The following PHRF1 variants were observed in gnomAD, a reference collection of about 807,000 sequenced individuals.
PHRF1 encodes PHD and RING finger domain-containing protein 1.
A neutral mutation model predicts 128.9 loss-of-function variants in PHRF1; 53 were observed. The observed-to-expected ratio is 0.41, with a 90% CI of 0.33 to 0.52. The LOEUF (loss-of-function observed/expected upper bound fraction) is 0.52, where lower values mean the gene tolerates loss of function less well. Among genes scored for constraint, PHRF1 ranks in the 20% least tolerant of loss-of-function variants. The pLI, the probability that PHRF1 is intolerant of heterozygous loss-of-function variation, is 0.21. For missense variants in PHRF1, 2,503 were observed against 2,284.5 expected (o/e 1.10, Z -1.95); for synonymous variants, 1,178 against 980.6 (o/e 1.20, Z -3.76).
chr11:579,087 A>G (rs1854056179), intron 1 of PHRF1, among the ~76,000 whole-genome samples: 1 of 152,088 alleles, frequency 6.6e-6, no homozygotes, highest in South Asian at 2.1e-4. Flanking sequence ...CCGTCTGCCC[A>G]CCTTGGTCTC....
chr11:607,400 G>A lies in PHRF1; in HGVS notation c.1944G>A (p.Lys648=), dbSNP rs778670736. Residue 648 remains lysine (K), a synonymous_variant, in exon 14 of 18, where the codon AAG becomes AAA. Coordinates refer to ENST00000264555, the MANE Select transcript of PHRF1 (RefSeq NM_001286581.2). ...HTLPLASAAS[K]ISSRDSKPPC... is the part of the protein sequence containing the mutation. ...TGCCCCTTGCCTCTGCCGCGTCTAA[G>A]ATCTCAAGCAGAGATTCTAAGCCCC... 11 of 1,612,710 alleles carry A rather than the reference G, an allele frequency of 6.8e-6. No homozygotes were observed. The Admixed American group carries it at 1.8e-4, about 27-fold the overall frequency.
intron 1 of PHRF1, among the ~76,000 whole-genome samples, chr11:580,655 C>T (rs1051376555): frequency 2.6e-5 from 4 of 152,244 alleles, no homozygotes; most frequent in Middle Eastern, 3.4e-3. Context: ...AGGATGAGGC[C>T]GTTTTGTTCG....
rs1315092860 is a variant in PHRF1, at chr11:612,129, C to T, written c.*352C>T. ...TCAAGAGGGGCTCCTGGTGGGGTGGCGCGTCCTTGATAAATCTCTAGGTGG... is the reference window on the plus strand; with the variant it reads ...TCAAGAGGGGCTCCTGGTGGGGTGGTGCGTCCTTGATAAATCTCTAGGTGG... On this transcript the variant is annotated 3_prime_UTR_variant, in exon 18 of 18. Transcript: ENST00000264555. The T allele has an allele frequency of 1.4e-5, 5 of 346,176 alleles. No homozygotes were observed. Among genetic ancestry groups the T allele is most frequent in the East Asian group, 5.3e-5 (1 of 18,788 alleles). 21.4% of individuals were successfully genotyped at this position (346,176 alleles called of 1,614,324 possible).
intron 13 of PHRF1, 100 bp downstream of exon 13, chr11:606,696 T>G: frequency 6.9e-7 from 1 of 1,442,476 alleles, no homozygotes; most frequent in Non-Finnish European, 9.2e-7. Context: ...AAGATGTAGC[T>G]GAAGTTGGGG....
rs1477972483 is a variant in PHRF1, at chr11:608,141, T to C, written c.2685T>C (p.Pro895=). Residue 895 remains proline, a synonymous_variant, in exon 14 of 18, where the codon CCT becomes CCC. Transcript: ENST00000264555. The stretch of plus-strand genomic sequence containing the variant: ...TCTTTGGTACAGAGCCCGAACCCCC[T>C]CTCGGACCGTCCTCCGCCATGTCCA... ...ESIFGTEPEP[P]LGPSSAMSKL... 2 of 1,611,184 alleles carry C rather than the reference T, an allele frequency of 1.2e-6. No individual in the cohort carries two copies. Among genetic ancestry groups the C allele is most frequent in the East Asian group, 2.2e-5 (1 of 44,860 alleles).
chr11:610,776 C>T lies in PHRF1; in HGVS notation c.4677+15C>T. The T allele has an allele frequency of 6.3e-7, 1 of 1,597,256 alleles. No homozygotes were observed. Among genetic ancestry groups the T allele is most frequent in the Non-Finnish European group, 8.5e-7 (1 of 1,176,392 alleles). ...AGAAGGAGGAGGTGAGTCCTGCCTC[C>T]TCCCACTTTCCCCATGTTCCCATCT... On this transcript the variant is annotated intron_variant, in intron 16 of 17. Coordinates refer to ENST00000264555, the MANE Select transcript of PHRF1 (RefSeq NM_001286581.2).
chr11:594,211 G>T (rs1299157990), intron 6 of PHRF1, among the ~76,000 whole-genome samples: 1 of 152,260 alleles, frequency 6.6e-6, no homozygotes, highest in Non-Finnish European at 1.5e-5. Flanking sequence ...CTCTGGGCAT[G>T]TGAAGGAAGG....
intron 1 of PHRF1, among the ~76,000 whole-genome samples, chr11:577,789 G>A (rs1853970874): frequency 6.6e-6 from 1 of 152,266 alleles, no homozygotes; most frequent in African/African-American, 2.4e-5. Context: ...GGCGTGGAAC[G>A]GGGTTGCAGG....
chr11:599,956 T>C (rs1855532809), intron 9 of PHRF1, among the ~76,000 whole-genome samples: 1 of 152,206 alleles, frequency 6.6e-6, no homozygotes, highest in African/African-American at 2.4e-5. Flanking sequence ...TTCCATTGTA[T>C]GAATATACCA....
chr11:608,351 C>T lies in PHRF1; in HGVS notation c.2895C>T (p.Val965=), dbSNP rs199878253. 130 of 1,610,118 alleles carry T rather than the reference C, an allele frequency of 8.1e-5. No individual in the cohort carries two copies. The highest frequency in any genetic ancestry group is 5.1e-4 in the Middle Eastern group (3 of 5,898). Residue 965 remains valine, a synonymous_variant, in exon 14 of 18, where the codon GTC becomes GTT. Transcript: ENST00000264555. ...AGCGGACGGTGACCTGTGTGACTGT[C>T]GTGGAGCCGGAAGCCCCACCCAGCC... ...SEERTVTCVT[V]VEPEAPPSPD...
chr11:585,036 C>A (rs1016478488), intron 3 of PHRF1, among the ~76,000 whole-genome samples: 3 of 152,166 alleles, frequency 2.0e-5, no homozygotes, highest in Non-Finnish European at 4.4e-5. Flanking sequence ...CCGCGCCTGG[C>A]CAGGACTGTT....
At chr11:602,574 G>A (rs992908039) in intron 10 of PHRF1, among the ~76,000 whole-genome samples, 1 of 151,816 alleles carries the variant, frequency 6.6e-6, no homozygotes, top group Non-Finnish European at 1.5e-5. Context: ...CCCAGCCTCA[G>A]GAGGCTGAGG....
intron 6 of PHRF1, among the ~76,000 whole-genome samples, 155 bp from the exon 7 acceptor site, chr11:596,768 T>G (rs1006773725): frequency 6.6e-6 from 1 of 151,942 alleles, no homozygotes; most frequent in African/African-American, 2.4e-5. Context: ...GGTTAGGGCT[T>G]CTTATGAATT....
intron 10 of PHRF1, among the ~76,000 whole-genome samples, chr11:602,176 C>T (rs766098741): frequency 6.6e-6 from 1 of 152,146 alleles, no homozygotes; most frequent in Non-Finnish European, 1.5e-5. Context: ...CCTTGGTATA[C>T]GTCGTGGCGT....
At position 596,915 on chromosome 11, in the gene PHRF1, T is replaced by C. The variant is rs758579440; in HGVS notation, c.621-8T>C. On this transcript the variant is annotated splice_polypyrimidine_tract_variant and splice_region_variant and intron_variant, in intron 6 of 17. Coordinates refer to ENST00000264555, the MANE Select transcript of PHRF1 (RefSeq NM_001286581.2). ...ACCCGGATGCTTTGGCCCTGCTCTC[T>C]CCTGTAGGTACCACATGGAATGCTT... 1 of 1,613,446 alleles carries C rather than the reference T, an allele frequency of 6.2e-7. No homozygotes were observed. The highest frequency in any genetic ancestry group is 1.1e-5 in the South Asian group (1 of 91,062).
In PHRF1 at chr11:610,502, T is replaced by C; in HGVS notation, c.4418T>C (p.Val1473Ala). ...PGFPDTDPSQ[V>A]YSPGLPPAPA... ...GCTCAGCAGGGGTGTCCCTCCCAGG[T>C]TTACAGCCCCGGCCTGCCGCCTGCC... The change falls in exon 16 of 18, where the codon GTT becomes GCT. Residue 1473 changes from valine (V) to alanine (A), a missense_variant and splice_region_variant. By Grantham distance (64) the Val-to-Ala change is moderately conservative. Coordinates refer to ENST00000264555, the MANE Select transcript of PHRF1 (RefSeq NM_001286581.2). 1 of 1,602,310 alleles carries C rather than the reference T, an allele frequency of 6.2e-7. No individual in the cohort carries two copies.
At chr11:578,689 C>G (rs1346972381) in intron 1 of PHRF1, among the ~76,000 whole-genome samples, 1 of 152,170 alleles carries the variant, frequency 6.6e-6, no homozygotes, top group Non-Finnish European at 1.5e-5. Flanking sequence ...CCTCAGACTC[C>G]CGAGCAGCTG....
Position 609,323 on chromosome 11 carries a change from A to G in PHRF1, c.3867A>G (p.Pro1289=), listed in dbSNP as rs1192080792. 3 of 1,612,300 alleles carry G rather than the reference A, an allele frequency of 1.9e-6. No individual in the cohort carries two copies. In the African/African-American group the frequency reaches 4.0e-5, roughly 22 times the overall value. ...TCCAGCTCGATGACATGAGCTCGCC[A>G]CCTTCTCCCGAAAGCACAGACTCTT... ...VFIQLDDMSS[P]PSPESTDSSP... Residue 1289 remains proline, a synonymous_variant, in exon 14 of 18, where the codon CCA becomes CCG. Transcript: ENST00000264555.
intron 3 of PHRF1, among the ~76,000 whole-genome samples, chr11:585,603 C>T (rs369953899): frequency 4.0e-5 from 4 of 100,296 alleles, no homozygotes; most frequent in Non-Finnish European, 4.3e-5. Flanking sequence ...GGTAGTAGCC[C>T]TTTCCAGCTT....
Sources: allele counts gnomAD v4.1 joint callset (sites outside exome capture counted in the v4.1 genomes callset), GRCh38; gene constraint gnomAD v4.1.1; transcripts MANE v1.5; gene names NCBI Gene and HGNC (gene_info 2026-07-23, HGNC 2026-07-21).